Variants in SCFD2 observed in about 807,000 individuals in gnomAD.
The protein encoded by SCFD2 is sec1 family domain-containing protein 2.
In SCFD2, 54 loss-of-function variants were observed where a neutral mutation model predicts 58.9. The observed-to-expected ratio is 0.92, with a 90% CI of 0.74 to 1.15. SCFD2 has a LOEUF of 1.15. SCFD2 is among the 50% of genes most tolerant of loss of function. SCFD2 has a pLI of 0.00. For missense variants in SCFD2, 805 were observed against 836.6 expected (o/e 0.96, Z 0.47); for synonymous variants, 321 against 335.9 (o/e 0.96, Z 0.49).
Position 53,352,767 on chromosome 4 carries a change from C to CT in SCFD2, c.839-2dup. 1 of 1,611,108 alleles carries CT rather than the reference C, an allele frequency of 6.2e-7. No homozygotes were observed. The highest frequency in any genetic ancestry group is 8.5e-7 in the Non-Finnish European group (1 of 1,177,784). The stretch of plus-strand genomic sequence containing the variant: ...TTGTCTCCATGATGTCCAACTGCTC[C>CT]TGTTTAAGCAGACAAGATGATGTAA... On this transcript the variant is annotated splice_acceptor_variant, in intron 1 of 8. Coordinates refer to ENST00000401642, the MANE Select transcript of SCFD2 (RefSeq NM_152540.4). LOFTEE classifies it high-confidence loss of function.
intron 5 of SCFD2, among the ~76,000 whole-genome samples, chr4:53,145,046 T>A (rs976665041): frequency 6.6e-6 from 1 of 152,178 alleles, no homozygotes; most frequent in Admixed American, 6.6e-5. Context: ...ATATGAGGGA[T>A]CTAGGTTGCA....
intron 7 of SCFD2, among the ~76,000 whole-genome samples, chr4:52,900,763 C>T (rs1719172852): frequency 6.6e-6 from 1 of 152,208 alleles, no homozygotes; most frequent in African/African-American, 2.4e-5. Flanking sequence ...GGCAGGCAGG[C>T]CTCCTTGAGC....
intron 3 of SCFD2, among the ~76,000 whole-genome samples, chr4:53,311,602 C>T (rs536307785): frequency 6.6e-6 from 1 of 151,790 alleles, no homozygotes; most frequent in Admixed American, 6.6e-5. Context: ...TTAACCTTAG[C>T]ATGAAGACCC....
chr4:53,016,446 G>A lies in SCFD2; in HGVS notation c.1562-95576C>T, dbSNP rs564994151. Among the ~76,000 whole-genome samples the A allele has an allele frequency of 3.4e-4, 52 of 152,232 alleles. No individual in the cohort carries two copies. The South Asian group carries it at 6.0e-3, about 18-fold the overall frequency. ...AGTCACATCTGACCTGTGCTATTTC[G>A]TTTTTAGTAGATTAAGAAAAATTAG... On this transcript the variant is annotated intron_variant, in intron 5 of 8. Transcript: ENST00000401642.
At chr4:53,297,120 T>C (rs1287170862) in intron 3 of SCFD2, among the ~76,000 whole-genome samples, 1 of 152,222 alleles carries the variant, frequency 6.6e-6, no homozygotes, top group Non-Finnish European at 1.5e-5. Context: ...TTCTGTTAAT[T>C]TGAGGTGGAG....
chr4:53,227,360 T>A (rs1729251514), intron 4 of SCFD2, among the ~76,000 whole-genome samples: 1 of 152,176 alleles, frequency 6.6e-6, no homozygotes, highest in Non-Finnish European at 1.5e-5. Flanking sequence ...AGTGAAATTC[T>A]CCTGTGTAGC....
chr4:53,202,753 G>A (rs1406241802), intron 4 of SCFD2, among the ~76,000 whole-genome samples: 2 of 152,052 alleles, frequency 1.3e-5, no homozygotes, highest in Non-Finnish European at 2.9e-5. Flanking sequence ...TCCCTTGTAA[G>A]TTGGATTCCT....
chr4:53,078,006 T>G (rs1724032232), intron 5 of SCFD2, among the ~76,000 whole-genome samples: 1 of 152,230 alleles, frequency 6.6e-6, no homozygotes, highest in Non-Finnish European at 1.5e-5. Flanking sequence ...TTTGGAGCAC[T>G]GTAAGATCAA....
At chr4:52,920,071 G>C (rs1053228102) in intron 6 of SCFD2, among the ~76,000 whole-genome samples, 1 of 152,146 alleles carries the variant, frequency 6.6e-6, no homozygotes, top group African/African-American at 2.4e-5. Context: ...GTCCAACAAA[G>C]ACTCCCCAGC....
intron 4 of SCFD2, among the ~76,000 whole-genome samples, chr4:53,207,541 A>G (rs1728459569): frequency 1.1e-5 from 1 of 94,366 alleles, no homozygotes; most frequent in Non-Finnish European, 2.0e-5. Flanking sequence ...TATATATTAT[A>G]TATATAATAT....
rs140416892 is a variant in SCFD2 at position 53,026,879 on chromosome 4, T to C, written c.1562-106009A>G. ...AAATGGAGAATGACAAATTCCAAAG[T>C]TGACAATGGTTACTAAACTCTTTCA... On this transcript the variant is annotated intron_variant, in intron 5 of 8. Transcript: ENST00000401642. 2.0e-5 allele frequency among the ~76,000 whole-genome samples: 3 copies of C among 152,362 alleles called. No homozygotes were observed. The East Asian group carries it at 5.8e-4, about 29-fold the overall frequency.
chr4:53,329,642 G>C (rs908356017), intron 2 of SCFD2, among the ~76,000 whole-genome samples: 46 of 152,236 alleles, frequency 3.0e-4, no homozygotes, highest in Non-Finnish European at 5.7e-4. Flanking sequence ...ACAAAGATTG[G>C]AAAAAAACAG....
At chr4:52,885,923 A>C in intron 7 of SCFD2, 57 bp from the exon 8 acceptor site, 1 of 1,605,144 alleles carries the variant, frequency 6.2e-7, no homozygotes, top group South Asian at 1.1e-5. Flanking sequence ...GGCACAATGC[A>C]GCTGGGTACC....
rs542292886 is a variant in SCFD2 at position 53,131,305 on chromosome 4, C to T, written c.1561+14028G>A. Among the ~76,000 whole-genome samples, 20 of 152,050 alleles carry T rather than the reference C, an allele frequency of 1.3e-4. No homozygotes were observed. In the East Asian group the frequency reaches 1.9e-3, roughly 15 times the overall value. On this transcript the variant is annotated intron_variant, in intron 5 of 8. Coordinates refer to ENST00000401642, the MANE Select transcript of SCFD2 (RefSeq NM_152540.4). ...GCAGGATGAATCGGTGGGTATGCAACGAGTCAGAGATGTCAGATAGAAGGC... is the reference window on the plus strand; with the variant it reads ...GCAGGATGAATCGGTGGGTATGCAATGAGTCAGAGATGTCAGATAGAAGGC...
At chr4:53,156,356 T>C (rs956863208) in intron 4 of SCFD2, among the ~76,000 whole-genome samples, 4 of 136,474 alleles carry the variant, frequency 2.9e-5, no homozygotes, top group African/African-American at 1.1e-4. Context: ...CTGAAGATCA[T>C]GCCATTGCAC....
intron 4 of SCFD2, among the ~76,000 whole-genome samples, chr4:53,242,815 T>G (rs1230437886): frequency 2.0e-5 from 3 of 152,144 alleles, no homozygotes; most frequent in Non-Finnish European, 1.5e-5. Flanking sequence ...AAAAGCCCAC[T>G]ACAAGAATTT....
At chr4:53,084,876 G>A (rs1253779377) in intron 5 of SCFD2, among the ~76,000 whole-genome samples, 2 of 152,134 alleles carry the variant, frequency 1.3e-5, no homozygotes, top group African/African-American at 2.4e-5. Flanking sequence ...CTGTATAGAA[G>A]GAACATACGT....
chr4:53,171,182 C>T (rs543184191), intron 4 of SCFD2, among the ~76,000 whole-genome samples: 10 of 152,286 alleles, frequency 6.6e-5, no homozygotes, highest in African/African-American at 2.4e-4. Flanking sequence ...TGTTGAGGTA[C>T]CCTTCTACTA....
chr4:53,110,708 G>C (rs1725144726), intron 5 of SCFD2, among the ~76,000 whole-genome samples: 2 of 152,348 alleles, frequency 1.3e-5, no homozygotes, highest in African/African-American at 2.4e-5. Flanking sequence ...AGAGGATGTG[G>C]AGAAATAGGA....
Sources: allele counts gnomAD v4.1 joint callset (sites outside exome capture counted in the v4.1 genomes callset), GRCh38; gene constraint gnomAD v4.1.1; transcripts MANE v1.5; gene names NCBI Gene and HGNC (gene_info 2026-07-23, HGNC 2026-07-21).